ALK: variants seen among roughly 807,000 people sequenced by gnomAD.
ALK encodes ALK receptor tyrosine kinase, also known as ALK tyrosine kinase receptor.
In ALK, 74 loss-of-function variants were observed where a neutral mutation model predicts 163.1. The observed-to-expected ratio is 0.45, with a 90% CI of 0.38 to 0.55. The LOEUF (loss-of-function observed/expected upper bound fraction) is 0.55. Among genes scored for constraint, ALK ranks in the 20% least tolerant of loss-of-function variants. The pLI, the probability that ALK is intolerant of heterozygous loss-of-function variation, is 0.00. For missense variants in ALK, 2,063 were observed against 2,105.3 expected (o/e 0.98, Z 0.39); for synonymous variants, 960 against 843.2 (o/e 1.14, Z -2.40).
At chr2:29,718,056 G>A (rs188994266) in intron 1 of ALK, among the ~76,000 whole-genome samples, 13 of 152,284 alleles carry the variant, frequency 8.5e-5, no homozygotes, top group Non-Finnish European at 1.5e-4. Context: ...AATTCATCTC[G>A]TCCAGATAAT....
intron 4 of ALK, among the ~76,000 whole-genome samples, chr2:29,426,534 C>A (rs1308419882): frequency 6.6e-6 from 1 of 152,170 alleles, no homozygotes; most frequent in East Asian, 1.9e-4. Context: ...AAAACTCTGT[C>A]AATATAAAAA....
At chr2:29,881,056 G>C (rs55808490) in intron 1 of ALK, among the ~76,000 whole-genome samples, 1 of 152,160 alleles carries the variant, frequency 6.6e-6, no homozygotes, top group Non-Finnish European at 1.5e-5. Context: ...TACTCCAACA[G>C]AACGTAGGTC....
At chr2:29,382,300 G>A (rs550301281) in intron 5 of ALK, among the ~76,000 whole-genome samples, 72 of 152,266 alleles carry the variant, frequency 4.7e-4, no homozygotes, top group Admixed American at 8.5e-4. Context: ...AGACAGGAAC[G>A]GGTCTCTGGA....
Position 29,586,953 on chromosome 2 carries a change from C to T in ALK, c.953-54837G>A, listed in dbSNP as rs368269036. ...CAGACTCCTGGGACCAGTTCCAGGA[C>T]GGAGGAGCACTGAGATGGGGGAATC... is the stretch of plus-strand genomic sequence containing the variant. On this transcript the variant is annotated intron_variant, in intron 3 of 28. Transcript: ENST00000389048. Among the ~76,000 whole-genome samples the T allele has an allele frequency of 1.7e-3, 265 of 152,220 alleles. 1 individual carries two copies. Among genetic ancestry groups the T allele is most frequent in the Admixed American group, 4.6e-3 (71 of 15,294 alleles).
intron 4 of ALK, among the ~76,000 whole-genome samples, chr2:29,467,391 A>AGGCTT (rs1671239478): frequency 6.6e-6 from 1 of 152,248 alleles, no homozygotes; most frequent in Non-Finnish European, 1.5e-5. Context: ...GCAGTGAACA[A>AGGCTT]GCCCTCAGAG....
chr2:29,435,919 C>T (rs1250979530), intron 4 of ALK, among the ~76,000 whole-genome samples: 5 of 151,584 alleles, frequency 3.3e-5, no homozygotes, highest in Admixed American at 6.6e-5. Flanking sequence ...TAACTTTGGT[C>T]GAAAAAATGA....
At chr2:29,797,978 C>T (rs181747432) in intron 1 of ALK, among the ~76,000 whole-genome samples, 11 of 152,212 alleles carry the variant, frequency 7.2e-5, no homozygotes, top group Admixed American at 2.0e-4. Flanking sequence ...TGGTAAGCTC[C>T]ATATCTTCCT....
Position 29,231,034 on chromosome 2 carries a change from T to G in ALK, c.2632+1270A>C, listed in dbSNP as rs529902162. Reference sequence around the variant, plus strand: ...CATATCAAAATCAGAACAACGGTGTTTTAAAAATACGAATTGAGTCTGGCC... The same window carrying G: ...CATATCAAAATCAGAACAACGGTGTGTTAAAAATACGAATTGAGTCTGGCC... On this transcript the variant is annotated intron_variant, in intron 15 of 28. Coordinates refer to ENST00000389048, the MANE Select transcript of ALK (RefSeq NM_004304.5). Among the ~76,000 whole-genome samples, 167 of 152,198 alleles carry G rather than the reference T, an allele frequency of 1.1e-3. 1 individual carries two copies. The highest frequency in any genetic ancestry group is 3.8e-3 in the African/African-American group (159 of 41,534).
intron 1 of ALK, among the ~76,000 whole-genome samples, chr2:29,882,657 G>A (rs1037578794): frequency 1.2e-4 from 18 of 152,298 alleles, no homozygotes; most frequent in Middle Eastern, 6.8e-3. Flanking sequence ...TTGCGCCACT[G>A]CACTCCAGCC....
At chr2:29,720,913 T>C (rs1296990110) in intron 1 of ALK, among the ~76,000 whole-genome samples, 1 of 151,998 alleles carries the variant, frequency 6.6e-6, no homozygotes, top group Non-Finnish European at 1.5e-5. Flanking sequence ...TGCAGATATA[T>C]GGGTGAAGGT....
intron 4 of ALK, among the ~76,000 whole-genome samples, chr2:29,398,308 A>G (rs1240114040): frequency 6.6e-6 from 1 of 152,200 alleles, no homozygotes; most frequent in Non-Finnish European, 1.5e-5. Flanking sequence ...TTTTCTGGAA[A>G]GGACAGGCTG....
chr2:29,239,489 C>A (rs1017778675), intron 13 of ALK, among the ~76,000 whole-genome samples, 191 bp downstream of exon 13: 1 of 152,116 alleles, frequency 6.6e-6, no homozygotes, highest in Non-Finnish European at 1.5e-5. Flanking sequence ...GGTCCTGCCT[C>A]CCCCTAGCAC....
At chr2:29,743,859 G>C (rs1680130706) in intron 1 of ALK, among the ~76,000 whole-genome samples, 1 of 151,872 alleles carries the variant, frequency 6.6e-6, no homozygotes, top group Non-Finnish European at 1.5e-5. Flanking sequence ...TAGACAATTG[G>C]ATCAGGACAG....
chr2:29,814,383 G>A (rs1246290995), intron 1 of ALK, among the ~76,000 whole-genome samples: 1 of 151,938 alleles, frequency 6.6e-6, no homozygotes, highest in Non-Finnish European at 1.5e-5. Flanking sequence ...GACCAAGGCC[G>A]GGCACGGTGG....
chr2:29,574,201 G>T (rs141524301), intron 3 of ALK, among the ~76,000 whole-genome samples: 78 of 152,316 alleles, frequency 5.1e-4, no homozygotes, highest in African/African-American at 1.6e-3. Flanking sequence ...ATCTGTGTTT[G>T]GATCCCAGCT....
At chr2:29,418,347 C>T (rs11679288) in intron 4 of ALK, among the ~76,000 whole-genome samples, 24,979 of 152,122 alleles carry the variant, frequency 0.16, 2,405 homozygotes, top group African/African-American at 0.25. Flanking sequence ...TTTATGCTCT[C>T]TACTCTCTTG....
chr2:29,744,278 C>A (rs1370223300), intron 1 of ALK, among the ~76,000 whole-genome samples: 1 of 152,116 alleles, frequency 6.6e-6, no homozygotes, highest in Admixed American at 6.5e-5. Flanking sequence ...AATATCTCTG[C>A]TACTCTGGGT....
chr2:29,688,227 G>C (rs1057463798), intron 3 of ALK, among the ~76,000 whole-genome samples: 2 of 152,198 alleles, frequency 1.3e-5, no homozygotes, highest in African/African-American at 4.8e-5. Context: ...CATGCAATGG[G>C]AAGAGAGTGG....
intron 4 of ALK, among the ~76,000 whole-genome samples, chr2:29,398,321 C>T (rs923193249): frequency 5.3e-5 from 8 of 152,144 alleles, no homozygotes; most frequent in African/African-American, 1.9e-4. Context: ...ACAGGCTGCT[C>T]CCAGTTTTTG....
Sources: allele counts gnomAD v4.1 joint callset (sites outside exome capture counted in the v4.1 genomes callset), GRCh38; gene constraint gnomAD v4.1.1; transcripts MANE v1.5; gene names NCBI Gene and HGNC (gene_info 2026-07-23, HGNC 2026-07-21).